The following CCDC57 variants were observed in gnomAD, a reference collection of about 807,000 sequenced individuals.
CCDC57 encodes coiled-coil domain-containing protein 57.
CCDC57 carries 118 observed loss-of-function variants against 118.9 expected under a neutral mutation model. That is an observed-to-expected ratio of 0.99 (90% CI 0.86 to 1.16). CCDC57 has a LOEUF of 1.16. Ranked by LOEUF, CCDC57 falls within the 50% of genes most tolerant of loss-of-function variation. The pLI, the probability that CCDC57 is intolerant of heterozygous loss-of-function variation, is 0.00. For missense variants in CCDC57, 1,300 were observed against 1,320.7 expected (o/e 0.98, Z 0.24); for synonymous variants, 527 against 532.9 (o/e 0.99, Z 0.15).
chr17:82,187,874 C>A (rs1474096446), intron 8 of CCDC57, among the ~76,000 whole-genome samples: 1 of 151,172 alleles, frequency 6.6e-6, no homozygotes, highest in African/African-American at 2.4e-5. Flanking sequence ...ATGGAAAGTT[C>A]TGGAGATGAC....
intron 19 of CCDC57, chr17:82,127,268 G>C (rs34673303): frequency 0.58 from 568,778 of 985,014 alleles, 166,231 homozygotes; most frequent in Non-Finnish European, 0.59. Flanking sequence ...CTCTTCCCCG[G>C]GAGCATCGCT....
chr17:82,135,831 G>T (rs1042610839), intron 16 of CCDC57, among the ~76,000 whole-genome samples: 10 of 512 alleles, frequency 0.02, no homozygotes, highest in Non-Finnish European at 0.1. Context: ...AGGCCGGGTG[G>T]GGGGGATCCT....
At chr17:82,119,726 T>C (rs753564536) in intron 19 of CCDC57, among the ~76,000 whole-genome samples, 21 of 151,792 alleles carry the variant, frequency 1.4e-4, no homozygotes, top group Middle Eastern at 6.8e-3. Context: ...AGGCTGGAGC[T>C]GGAGTGCAGG....
chr17:82,136,412 C>T (rs927374775), intron 16 of CCDC57, among the ~76,000 whole-genome samples: 3 of 152,056 alleles, frequency 2.0e-5, no homozygotes, highest in Admixed American at 6.6e-5. Context: ...GGGTGCTGGG[C>T]GGGGGACAGG....
intron 16 of CCDC57, among the ~76,000 whole-genome samples, chr17:82,148,070 G>GTGGA (rs2041090875): frequency 9.8e-6 from 1 of 102,108 alleles, no homozygotes; most frequent in Admixed American, 1.1e-4. Flanking sequence ...GGATGGATGG[G>GTGGA]TGGGTAGATG....
intron 13 of CCDC57, among the ~76,000 whole-genome samples, chr17:82,170,782 A>G (rs561870385): frequency 7.8e-4 from 119 of 152,290 alleles, no homozygotes; most frequent in Admixed American, 3.1e-3. Context: ...CAATGCACAC[A>G]GGAAGAGATG....
chr17:82,119,955 G>A (rs2036449464), intron 19 of CCDC57, among the ~76,000 whole-genome samples: 1 of 152,198 alleles, frequency 6.6e-6, no homozygotes, highest in Admixed American at 6.5e-5. Flanking sequence ...CCTGGGACGG[G>A]GTGACTGCTG....
intron 8 of CCDC57, among the ~76,000 whole-genome samples, chr17:82,186,559 A>T (rs144582757): frequency 5.9e-5 from 9 of 152,286 alleles, no homozygotes; most frequent in African/African-American, 2.2e-4. Context: ...CAGCATGCTG[A>T]ATCTAGAGAA....
chr17:82,174,933 C>T (rs544003201), intron 11 of CCDC57, among the ~76,000 whole-genome samples: 91 of 152,300 alleles, frequency 6.0e-4, no homozygotes, highest in Non-Finnish European at 6.6e-4. Flanking sequence ...CTTTGGCTGC[C>T]GGCTTAAATA....
chr17:82,195,429 C>CCAGGACG, intron 4 of CCDC57, 65 bp from the exon 4 acceptor site: 2 of 1,290,072 alleles, frequency 1.6e-6, no homozygotes, highest in African/African-American at 1.5e-5. Context: ...CACCCACGTC[C>CCAGGACG]TGGGAGGTGG....
At chr17:82,126,662 G>A (rs1477963286) in intron 19 of CCDC57, 1 of 985,230 alleles carries the variant, frequency 1.0e-6, no homozygotes, top group South Asian at 4.7e-5. Flanking sequence ...CTCTGGGTGG[G>A]TGGCGGAGGC....
chr17:82,116,217 C>T (rs1191442938), intron 19 of CCDC57, among the ~76,000 whole-genome samples: 1 of 151,380 alleles, frequency 6.6e-6, no homozygotes, highest in African/African-American at 2.4e-5. Flanking sequence ...CATGGGACAC[C>T]CTTTAAAGTT....
intron 16 of CCDC57, among the ~76,000 whole-genome samples, chr17:82,138,147 C>CTTT (rs569568425): frequency 1.7e-5 from 2 of 118,286 alleles, no homozygotes; most frequent in African/African-American, 3.2e-5. Flanking sequence ...AGGAGGATCT[C>CTTT]TTTTTTTTTT....
intron 19 of CCDC57, chr17:82,126,340 T>TA: frequency 1.1e-6 from 1 of 876,134 alleles, no homozygotes; most frequent in Middle Eastern, 5.7e-4. Flanking sequence ...TACATAAAAA[T>TA]AAAAAATATG....
Position 82,184,025 on chromosome 17 carries a change from GCGCGCGCACACACACA to G in CCDC57, c.1053-109_1053-94del, listed in dbSNP as rs1424769986. On this transcript the variant is annotated intron_variant, in intron 8 of 19. Coordinates refer to ENST00000665763, the Ensembl canonical transcript of CCDC57. Reference sequence around the variant, plus strand: ...CCCCAGCAAATACACATGCGCGCGCGCGCGCGCACACACACACACACACACACACACACACACACAC... The same window carrying G: ...CCCCAGCAAATACACATGCGCGCGCGCACACACACACACACACACACACAC... 109 of 388,404 alleles carry G rather than the reference GCGCGCGCACACACACA, an allele frequency of 2.8e-4. 3 individuals carry two copies. The highest frequency in any genetic ancestry group is 1.8e-3 in the African/African-American group (64 of 35,676). 24.1% of individuals were successfully genotyped at this position (388,404 alleles called of 1,614,324 possible).
intron 19 of CCDC57, among the ~76,000 whole-genome samples, chr17:82,109,817 A>C (rs1420894279): frequency 6.6e-6 from 1 of 151,990 alleles, no homozygotes; most frequent in Non-Finnish European, 1.5e-5. Context: ...AGATCGCGCC[A>C]CCGCACTCCA....
chr17:82,151,486 C>T (rs1453323917), intron 16 of CCDC57, 74 bp downstream of exon 15: 32 of 1,395,536 alleles, frequency 2.3e-5, no homozygotes, highest in East Asian at 2.0e-4. Flanking sequence ...CAGAACCTGG[C>T]GCACACCCAG....
intron 18 of CCDC57, 91 bp from the exon 18 acceptor site, chr17:82,127,999 G>C (rs2037723070): frequency 6.6e-7 from 1 of 1,514,274 alleles, no homozygotes; most frequent in East Asian, 2.4e-5. Flanking sequence ...GGAGCAGTAA[G>C]GCGACAGTGG....
intron 13 of CCDC57, among the ~76,000 whole-genome samples, chr17:82,169,825 A>T (rs184096353): frequency 5.3e-5 from 8 of 152,360 alleles, no homozygotes; most frequent in Admixed American, 2.0e-4. Context: ...GACTAACCAC[A>T]ATGGAATAGA....
Sources: gnomAD v4.1 joint callset for allele counts (sites outside exome capture counted in the v4.1 genomes callset) on GRCh38, gnomAD v4.1.1 for gene constraint, MANE v1.5 for transcripts, NCBI Gene and HGNC (gene_info 2026-07-23, HGNC 2026-07-21) for gene names.